MEGF11: variants seen among roughly 807,000 people sequenced by gnomAD.
The protein encoded by MEGF11 is multiple epidermal growth factor-like domains protein 11.
A neutral mutation model predicts 146.6 loss-of-function variants in MEGF11; 126 were observed. The ratio of observed to expected loss-of-function variants is 0.86; its 90% confidence interval spans 0.74 to 1.00. The LOEUF is 1.00. Ranked by LOEUF, MEGF11 falls within the 50% of genes least tolerant of loss-of-function variation. The pLI is 0.00. For synonymous variants in MEGF11, 532 were observed against 583.4 expected (o/e 0.91, Z 1.27); for missense variants, 1,509 against 1,521.2 (o/e 0.99, Z 0.13).
intron 5 of MEGF11, among the ~76,000 whole-genome samples, chr15:65,991,322 C>T (rs1461976934): frequency 6.6e-6 from 1 of 152,114 alleles, no homozygotes; most frequent in Non-Finnish European, 1.5e-5. Flanking sequence ...AATCCTGTGC[C>T]AGTTATTCAT....
chr15:66,093,099 G>C (rs1018579486), intron 5 of MEGF11, among the ~76,000 whole-genome samples: 3 of 152,198 alleles, frequency 2.0e-5, no homozygotes, highest in Non-Finnish European at 2.9e-5. Context: ...AAAGCAGTAG[G>C]ACAAGTGGAA....
At chr15:65,971,418 T>G (rs981059964) in intron 7 of MEGF11, among the ~76,000 whole-genome samples, 5 of 152,128 alleles carry the variant, frequency 3.3e-5, no homozygotes, top group Non-Finnish European at 7.4e-5. Context: ...AAATAGGGAA[T>G]TAGACCCCCA....
chr15:66,109,985 G>T (rs2087307001), intron 4 of MEGF11, among the ~76,000 whole-genome samples: 1 of 152,182 alleles, frequency 6.6e-6, no homozygotes, highest in Admixed American at 6.5e-5. Flanking sequence ...AGGCACAGCA[G>T]CTTCACAACC....
chr15:65,900,622 CCTT>C (rs1034437249), intron 24 of MEGF11, among the ~76,000 whole-genome samples: 93 of 152,260 alleles, frequency 6.1e-4, no homozygotes, highest in African/African-American at 1.8e-3. Flanking sequence ...TTCTCTCTCT[CCTT>C]CTCCTCTCAT....
intron 1 of MEGF11, among the ~76,000 whole-genome samples, chr15:66,226,160 C>A (rs117910423): frequency 6.6e-6 from 1 of 152,206 alleles, no homozygotes; most frequent in Non-Finnish European, 1.5e-5. Context: ...GCTGTAGACG[C>A]CCCCTGCCCA....
intron 1 of MEGF11, among the ~76,000 whole-genome samples, chr15:66,145,747 T>A (rs7181974): frequency 0.57 from 87,090 of 152,042 alleles, 25,485 homozygotes; most frequent in East Asian, 0.77. Flanking sequence ...TAAGGAAATG[T>A]GCTCTGGAGT....
chr15:66,171,653 C>T (rs1262497721), intron 1 of MEGF11, among the ~76,000 whole-genome samples: 1 of 151,972 alleles, frequency 6.6e-6, no homozygotes, highest in Non-Finnish European at 1.5e-5. Flanking sequence ...GGGACTCCTC[C>T]CACCTGTCTG....
chr15:65,906,234 C>G lies in MEGF11; in HGVS notation c.2999-93G>C, dbSNP rs559687019. 441 of 863,540 alleles carry G rather than the reference C, an allele frequency of 5.1e-4. 3 individuals are homozygous for G. Among genetic ancestry groups the G allele is most frequent in the African/African-American group, 1.7e-4 (10 of 59,364 alleles). 53.5% of individuals were successfully genotyped at this position (863,540 alleles called of 1,614,324 possible). On this transcript the variant is annotated intron_variant, in intron 23 of 25. Transcript: ENST00000395614. Reference sequence around the variant, plus strand: ...TCTTTCTTTTCTTGCTTTTCCCCCCCCTTCTCCCCTACCCAGAAAATAAAT... The same window carrying G: ...TCTTTCTTTTCTTGCTTTTCCCCCCGCTTCTCCCCTACCCAGAAAATAAAT...
intron 5 of MEGF11, among the ~76,000 whole-genome samples, chr15:66,073,588 T>C (rs576781680): frequency 6.6e-6 from 1 of 152,348 alleles, no homozygotes; most frequent in South Asian, 2.1e-4. Context: ...TCTCCGTTTT[T>C]CAATGCCCAT....
intron 1 of MEGF11, among the ~76,000 whole-genome samples, chr15:66,165,450 A>G (rs1222534552): frequency 6.6e-6 from 1 of 152,212 alleles, no homozygotes; most frequent in African/African-American, 2.4e-5. Context: ...GCTCTGGGGA[A>G]CTAGTCACCA....
intron 7 of MEGF11, among the ~76,000 whole-genome samples, chr15:65,974,877 C>T (rs2081400932): frequency 6.6e-6 from 1 of 151,748 alleles, no homozygotes. Flanking sequence ...TGGAGTTTCG[C>T]TCTTGTTGCC....
chr15:65,993,860 G>T (rs889753266), intron 5 of MEGF11, among the ~76,000 whole-genome samples: 1 of 152,166 alleles, frequency 6.6e-6, no homozygotes, highest in African/African-American at 2.4e-5. Flanking sequence ...TCTGGAGGAG[G>T]GAGCCTCTCT....
intron 4 of MEGF11, among the ~76,000 whole-genome samples, chr15:66,105,899 CT>C (rs1180588396): frequency 1.3e-5 from 2 of 152,202 alleles, no homozygotes; most frequent in Non-Finnish European, 2.9e-5. Flanking sequence ...TAGGGGCTGC[CT>C]TTCAGTTGCC....
At chr15:65,993,279 G>A (rs1194658423) in intron 5 of MEGF11, among the ~76,000 whole-genome samples, 3 of 152,114 alleles carry the variant, frequency 2.0e-5, no homozygotes. Context: ...CGGGGTGAGA[G>A]GCAAACTGCA....
intron 5 of MEGF11, among the ~76,000 whole-genome samples, chr15:66,056,461 C>T (rs529347293): frequency 1.1e-4 from 17 of 152,172 alleles, no homozygotes; most frequent in Non-Finnish European, 2.1e-4. Flanking sequence ...GCTATTGATT[C>T]CCTACCCACA....
chr15:66,169,199 C>T (rs777350676), intron 1 of MEGF11, among the ~76,000 whole-genome samples: 18 of 152,242 alleles, frequency 1.2e-4, no homozygotes, highest in Non-Finnish European at 2.5e-4. Context: ...CAGCGTCCTG[C>T]CTGACGCAGC....
At chr15:66,144,596 C>T (rs139978425) in intron 1 of MEGF11, among the ~76,000 whole-genome samples, 101 of 152,314 alleles carry the variant, frequency 6.6e-4, no homozygotes, top group African/African-American at 2.2e-3. Flanking sequence ...GGCGACATCA[C>T]TCTAACAGGA....
intron 1 of MEGF11, among the ~76,000 whole-genome samples, chr15:66,162,449 A>G (rs1374716101): frequency 1.3e-5 from 2 of 152,202 alleles, no homozygotes; most frequent in Non-Finnish European, 2.9e-5. Flanking sequence ...CTTTAGGAAT[A>G]TTATGCAGCA....
chr15:65,898,289 C>G, intron 25 of MEGF11, 195 bp from the exon 26 acceptor site: 1 of 985,364 alleles, frequency 1.0e-6, no homozygotes, highest in Non-Finnish European at 1.2e-6. Context: ...ATCCAAGCCT[C>G]TCATCAACAC....
Sources: gnomAD v4.1 joint callset for allele counts (sites outside exome capture counted in the v4.1 genomes callset) on GRCh38, gnomAD v4.1.1 for gene constraint, MANE v1.5 for transcripts, NCBI Gene and HGNC (gene_info 2026-07-23, HGNC 2026-07-21) for gene names.